SCAPER: variants seen among roughly 807,000 people sequenced by gnomAD.
SCAPER encodes the protein S phase cyclin A-associated protein in the endoplasmic reticulum.
SCAPER carries 98 observed loss-of-function variants against 182.2 expected under a neutral mutation model. The ratio of observed to expected loss-of-function variants is 0.54; its 90% CI spans 0.46 to 0.64. SCAPER has a LOEUF of 0.64. SCAPER is among the 30% of genes least tolerant of loss of function. The pLI, the probability that SCAPER is intolerant of heterozygous loss-of-function variation, is 0.00. For missense variants in SCAPER, 1,432 were observed against 1,690.0 expected, an observed-to-expected ratio of 0.85 and a Z score of 2.68; for synonymous variants, 605 against 564.6, an observed-to-expected ratio of 1.07 and a Z score of -1.01.
At chr15:76,530,517 C>G (rs1312196683) in intron 23 of SCAPER, among the ~76,000 whole-genome samples, 9 of 152,214 alleles carry the variant, frequency 5.9e-5, no homozygotes, top group Non-Finnish European at 1.5e-5. Context: ...CTGGCCTCCA[C>G]TGTCCCAAAT....
intron 2 of SCAPER, among the ~76,000 whole-genome samples, chr15:76,865,598 A>G (rs781189635): frequency 1.3e-5 from 2 of 152,168 alleles, no homozygotes; most frequent in Non-Finnish European, 2.9e-5. Context: ...GGGATGATCC[A>G]GTACAGAGAC....
intron 21 of SCAPER, among the ~76,000 whole-genome samples, chr15:76,660,366 G>C (rs780924400): frequency 2.0e-5 from 3 of 152,086 alleles, no homozygotes; most frequent in Admixed American, 6.6e-5. Flanking sequence ...CAGTAAAGCT[G>C]CCCAAATACC....
intron 24 of SCAPER, among the ~76,000 whole-genome samples, chr15:76,480,878 C>A (rs998759816): frequency 6.6e-6 from 1 of 152,122 alleles, no homozygotes; most frequent in Non-Finnish European, 1.5e-5. Context: ...CGACAGGCGC[C>A]TACCACTATG....
intron 24 of SCAPER, among the ~76,000 whole-genome samples, chr15:76,489,254 C>T (rs2052032715): frequency 7.3e-6 from 1 of 137,056 alleles, no homozygotes; most frequent in Admixed American, 7.1e-5. Flanking sequence ...ACCACAATTA[C>T]TTTTGCACCA....
intron 24 of SCAPER, among the ~76,000 whole-genome samples, chr15:76,479,763 G>A (rs1251373930): frequency 6.6e-6 from 1 of 152,074 alleles, no homozygotes; most frequent in Non-Finnish European, 1.5e-5. Flanking sequence ...GTTTGCAGTG[G>A]TTAAGACTTA....
chr15:76,862,255 T>C (rs547970928), intron 3 of SCAPER, among the ~76,000 whole-genome samples, 161 bp downstream of exon 3: 1 of 63,374 alleles, frequency 1.6e-5, no homozygotes, highest in East Asian at 3.8e-4. Flanking sequence ...AAGGCTTTTA[T>C]AAAACCATGT....
At chr15:76,653,237 C>T (rs1266350001) in intron 21 of SCAPER, among the ~76,000 whole-genome samples, 1 of 152,100 alleles carries the variant, frequency 6.6e-6, no homozygotes. Flanking sequence ...AATGGAAAAA[C>T]ATTCCATGCT....
chr15:76,617,208 T>A (rs1334339600), intron 22 of SCAPER, among the ~76,000 whole-genome samples: 1 of 152,206 alleles, frequency 6.6e-6, no homozygotes, highest in Admixed American at 6.5e-5. Context: ...GTCTAGAAGT[T>A]TATTTAGAAG....
chr15:76,762,629 CTT>C lies in SCAPER; in HGVS notation c.1725+2330_1725+2331del, dbSNP rs1186166815. Among the ~76,000 whole-genome samples, 85 of 151,874 alleles carry C rather than the reference CTT, an allele frequency of 5.6e-4. 3 individuals are homozygous for C. The highest frequency in any genetic ancestry group is 5.6e-3 in the Admixed American group (85 of 15,236). On this transcript the variant is annotated intron_variant, in intron 14 of 31. Transcript: ENST00000563290. ...TTGTCATTATACTTACCCTTAATACCTTTTTGTCTTTTAAGTCCCCTCCCCCA... is the reference window on the plus strand; with the variant it reads ...TTGTCATTATACTTACCCTTAATACCTTTGTCTTTTAAGTCCCCTCCCCCA...
At chr15:76,467,408 C>T (rs1466815764) in intron 25 of SCAPER, among the ~76,000 whole-genome samples, 1 of 150,712 alleles carries the variant, frequency 6.6e-6, no homozygotes, top group Non-Finnish European at 1.5e-5. Flanking sequence ...TCTTCTCTCT[C>T]CCTCCCAGAG....
chr15:76,732,044 C>T (rs191275463), intron 16 of SCAPER, among the ~76,000 whole-genome samples: 1 of 152,256 alleles, frequency 6.6e-6, no homozygotes, highest in Admixed American at 6.5e-5. Flanking sequence ...TTACAGTCTG[C>T]TGATGAAAGA....
chr15:76,751,188 C>G (rs1478899115), intron 15 of SCAPER, among the ~76,000 whole-genome samples: 1 of 151,610 alleles, frequency 6.6e-6, no homozygotes, highest in Admixed American at 6.6e-5. Flanking sequence ...GCAAAAGACA[C>G]ATACAATAAA....
chr15:76,892,931 T>C (rs1297011609), intron 1 of SCAPER, among the ~76,000 whole-genome samples: 2 of 151,560 alleles, frequency 1.3e-5, no homozygotes, highest in East Asian at 1.9e-4. Context: ...CAAATGTCCA[T>C]CAACGATAGA....
At chr15:76,773,547 T>C (rs576128505) in intron 9 of SCAPER, among the ~76,000 whole-genome samples, 1 of 152,066 alleles carries the variant, frequency 6.6e-6, no homozygotes, top group South Asian at 2.1e-4. Context: ...ATCCAACAAA[T>C]GTATACCAAT....
rs1360882291 is a variant in SCAPER at position 76,733,216 on chromosome 15, A to T, written c.2022+13T>A. The T allele has an allele frequency of 2.6e-6, 4 of 1,553,218 alleles. No homozygotes were observed. The highest frequency in any genetic ancestry group is 3.5e-6 in the Non-Finnish European group (4 of 1,147,896). Reference sequence around the variant, plus strand: ...GGTGCTCAAGCAATGTTTGCTGAATAAAAAAATCCTACCTGCACAGCTTCA... The same window carrying T: ...GGTGCTCAAGCAATGTTTGCTGAATTAAAAAATCCTACCTGCACAGCTTCA... On this transcript the variant is annotated intron_variant, in intron 16 of 31. Transcript: ENST00000563290.
intron 17 of SCAPER, among the ~76,000 whole-genome samples, chr15:76,726,834 G>C (rs550997116): frequency 1.3e-5 from 2 of 152,086 alleles, no homozygotes; most frequent in South Asian, 4.1e-4. Context: ...GCAAGTGGGG[G>C]TATGGAATGG....
At chr15:76,866,127 C>T (rs1398997778) in intron 2 of SCAPER, among the ~76,000 whole-genome samples, 2 of 152,194 alleles carry the variant, frequency 1.3e-5, no homozygotes, top group Non-Finnish European at 2.9e-5. Context: ...AAGGGTATCA[C>T]TATTGCTTCC....
chr15:76,627,984 G>GA (rs952667316), intron 21 of SCAPER, among the ~76,000 whole-genome samples: 16 of 152,062 alleles, frequency 1.1e-4, no homozygotes, highest in African/African-American at 3.9e-4. Flanking sequence ...TTGCCATTCT[G>GA]ACCGGCATGA....
chr15:76,860,496 T>C (rs1054373573), intron 3 of SCAPER, among the ~76,000 whole-genome samples: 1 of 152,292 alleles, frequency 6.6e-6, no homozygotes, highest in Admixed American at 6.5e-5. Flanking sequence ...TTAAAAATAC[T>C]ATAATGCCTC....
Sources: gnomAD v4.1 joint callset for allele counts (sites outside exome capture counted in the v4.1 genomes callset) on GRCh38, gnomAD v4.1.1 for gene constraint, MANE v1.5 for transcripts, NCBI Gene and HGNC (gene_info 2026-07-23, HGNC 2026-07-21) for gene names.